The following ACACB variants were observed in gnomAD, a reference collection of about 807,000 sequenced individuals.
ACACB encodes acetyl-CoA carboxylase 2.
A neutral mutation model predicts 278.8 loss-of-function variants in ACACB; 209 were observed. The observed-to-expected ratio is 0.75, with a 90% confidence interval of 0.67 to 0.84. The LOEUF is 0.84. Ranked by LOEUF, ACACB falls within the 40% of genes least tolerant of loss-of-function variation. ACACB has a pLI of 0.00. For missense variants in ACACB, 2,850 were observed against 3,269.0 expected (o/e 0.87, Z 3.13); for synonymous variants, 1,174 against 1,285.6 (o/e 0.91, Z 1.86).
rs780689830 is a variant in ACACB, at chr12:109,197,078, G to A, written c.2552G>A (p.Arg851Gln). ...NGCHIEIDAH[R>Q]LNDGGLLLSY... ...TGCCACATCGAGATTGATGCCCACC[G>A]GCTGAATGATGGGGGGCTCCTGCTC... The change falls in exon 17 of 53, where the codon CGG (arginine) becomes CAG (glutamine). Residue 851 changes from arginine to glutamine, a missense_variant. Coordinates refer to ENST00000338432, the MANE Select transcript of ACACB (RefSeq NM_001093.4). 9 of 1,595,630 alleles carry A rather than the reference G, an allele frequency of 5.6e-6. No homozygotes were observed. Among genetic ancestry groups the A allele is most frequent in the Middle Eastern group, 1.7e-4 (1 of 6,008 alleles).
intron 24 of ACACB, among the ~76,000 whole-genome samples, chr12:109,220,386 G>A (rs73191161): frequency 0.046 from 7,060 of 152,254 alleles, 247 homozygotes; most frequent in Middle Eastern, 0.14. Flanking sequence ...GAATTTTTTT[G>A]AGGCTTTTAA....
chr12:109,253,538 G>C (rs962045295), intron 43 of ACACB, among the ~76,000 whole-genome samples: 3 of 152,118 alleles, frequency 2.0e-5, no homozygotes. Flanking sequence ...AAGTTTTTCT[G>C]AGCCTGTTTC....
At chr12:109,211,342 C>CTTTTT (rs35008047) in intron 21 of ACACB, among the ~76,000 whole-genome samples, 4 of 109,982 alleles carry the variant, frequency 3.6e-5, no homozygotes, top group Non-Finnish European at 5.5e-5. Flanking sequence ...TGTGATTCCT[C>CTTTTT]TTTTTTTTTT....
Position 109,191,882 on chromosome 12 carries a change from C to T in ACACB, c.2331C>T (p.Cys777=), listed in dbSNP as rs750939351. 20 of 1,614,014 alleles carry T rather than the reference C, an allele frequency of 1.2e-5. No homozygotes were observed. Among genetic ancestry groups the T allele is most frequent in the South Asian group, 8.8e-5 (8 of 91,084 alleles). Residue 777 remains cysteine (C), a synonymous_variant, in exon 15 of 53, where the codon TGC becomes TGT. Transcript: ENST00000338432. ...CGGATATCATGCTTGGGGTGGTATG[C>T]GGGGCCTTGAACGTGGCCGATGCGA... The part of the protein sequence containing the change: ...EKPDIMLGVV[C]GALNVADAMF...
Position 109,188,160 on chromosome 12 carries a change from T to G in ACACB, c.2142T>G (p.Ile714Met). 6.3e-7 allele frequency: 1 copy of G among 1,595,768 alleles called. No homozygotes were observed. Among genetic ancestry groups the G allele is most frequent in the Middle Eastern group, 1.7e-4 (1 of 6,010 alleles). The change falls in exon 13 of 53, where the codon ATT becomes ATG. Residue 714 changes from isoleucine to methionine, a missense_variant and splice_region_variant. Physicochemically the swap from Ile to Met is conservative, Grantham distance 10. Coordinates refer to ENST00000338432, the MANE Select transcript of ACACB (RefSeq NM_001093.4). ...FSWGENREEA[I>M]SNMVVALKEL... is the part of the protein sequence containing the mutation. ...GGGGAGAGAACCGGGAAGAGGCCAT[T>G]TCGTCAGTATCTCCTTCCTTCCTTC... is the stretch of plus-strand genomic sequence containing the variant.
intron 45 of ACACB, among the ~76,000 whole-genome samples, chr12:109,256,892 T>A (rs972079295): frequency 1.3e-5 from 2 of 152,236 alleles, no homozygotes; most frequent in Non-Finnish European, 2.9e-5. Flanking sequence ...GATGATTAGA[T>A]GCAATAACAT....
chr12:109,226,733 A>T lies in ACACB; in HGVS notation c.3883-638A>T, dbSNP rs565734147. On this transcript the variant is annotated intron_variant, in intron 27 of 52. Transcript: ENST00000338432. The stretch of plus-strand genomic sequence containing the variant: ...AAAAAAAAAAAAGAAGAATGCAGCC[A>T]CACCCATTCATTTACATGTTGTCCA... Among the ~76,000 whole-genome samples, 6 of 149,352 alleles carry T rather than the reference A, an allele frequency of 4.0e-5. 1 individual carries two copies. The South Asian group carries it at 1.3e-3, about 32-fold the overall frequency.
At chr12:109,194,981 T>G (rs929798651) in intron 16 of ACACB, among the ~76,000 whole-genome samples, 41 of 152,160 alleles carry the variant, frequency 2.7e-4, no homozygotes, top group Non-Finnish European at 4.7e-4. Flanking sequence ...CTGGAGTCCC[T>G]GGGGCTTATT....
chr12:109,151,529 G>A (rs776910474), intron 2 of ACACB, among the ~76,000 whole-genome samples: 4 of 152,092 alleles, frequency 2.6e-5, no homozygotes, highest in South Asian at 2.1e-4. Context: ...AAGGCAAATT[G>A]TATGTGGATA....
chr12:109,214,955 G>T (rs891225750), intron 22 of ACACB, among the ~76,000 whole-genome samples: 1 of 152,110 alleles, frequency 6.6e-6, no homozygotes, highest in Non-Finnish European at 1.5e-5. Flanking sequence ...AATTAGCCAG[G>T]CTTGGTGGTG....
At chr12:109,164,293 C>T (rs1335937940) in intron 2 of ACACB, among the ~76,000 whole-genome samples, 4 of 152,106 alleles carry the variant, frequency 2.6e-5, no homozygotes, top group African/African-American at 9.7e-5. Context: ...AGTCCAGTGG[C>T]GCGATCTCGG....
chr12:109,201,769 G>A (rs781119498), intron 19 of ACACB, 68 bp downstream of exon 19: 44 of 1,572,246 alleles, frequency 2.8e-5, no homozygotes, highest in Non-Finnish European at 3.5e-5. Flanking sequence ...CTGGTTCAGT[G>A]AGACAGGTGG....
chr12:109,253,659 A>G (rs142066009), intron 43 of ACACB, among the ~76,000 whole-genome samples: 1 of 152,206 alleles, frequency 6.6e-6, no homozygotes, highest in African/African-American at 2.4e-5. Context: ...CCAAAGTAAG[A>G]AGGGGACAAT....
At chr12:109,135,854 G>C (rs1417848917) in intron 1 of ACACB, among the ~76,000 whole-genome samples, 1 of 144,038 alleles carries the variant, frequency 6.9e-6, no homozygotes, top group African/African-American at 2.6e-5. Context: ...CTGTCGCCCA[G>C]GCTGGAGTGC....
chr12:109,192,079 C>T, intron 15 of ACACB, 129 bp downstream of exon 15: 2 of 971,812 alleles, frequency 2.1e-6, no homozygotes, highest in South Asian at 1.5e-5. Context: ...TCCGGTCTTG[C>T]CTCTGGGAAA....
intron 6 of ACACB, among the ~76,000 whole-genome samples, chr12:109,173,523 A>G (rs1468546047): frequency 2.6e-5 from 4 of 152,220 alleles, no homozygotes; most frequent in Admixed American, 6.5e-5. Context: ...CCTGTCTGAC[A>G]GTTACCCAGG....
chr12:109,225,230 C>T (rs1407434213), intron 27 of ACACB, among the ~76,000 whole-genome samples: 4 of 152,162 alleles, frequency 2.6e-5, no homozygotes, highest in Admixed American at 6.5e-5. Flanking sequence ...TACGCTCAAG[C>T]GATCCTCCTG....
Position 109,260,640 on chromosome 12 carries a change from T to C in ACACB, c.6657T>C (p.Tyr2219=), listed in dbSNP as rs2047354761. 2 of 1,588,262 alleles carry C rather than the reference T, an allele frequency of 1.3e-6. No individual in the cohort carries two copies. Among genetic ancestry groups the C allele is most frequent in the Non-Finnish European group, 1.7e-6 (2 of 1,167,954 alleles). Residue 2219 remains tyrosine (Y), a synonymous_variant, in exon 48 of 53, where the codon TAT becomes TAC. Transcript: ENST00000338432. Reference sequence around the variant, plus strand: ...TCAACCCGCTGTGCATAGAAATGTATGCAGACAAAGAGAGCAGGTGGGTGT... The same window carrying C: ...TCAACCCGCTGTGCATAGAAATGTACGCAGACAAAGAGAGCAGGTGGGTGT... The part of the protein sequence containing the change: ...ATINPLCIEM[Y]ADKESRGGVL...
chr12:109,231,437 A>G (rs2046467853), intron 28 of ACACB, among the ~76,000 whole-genome samples: 1 of 152,208 alleles, frequency 6.6e-6, no homozygotes, highest in South Asian at 2.1e-4. Context: ...TGCATGGACC[A>G]AAGTCATTCT....
Sources: gnomAD v4.1 joint callset for allele counts (sites outside exome capture counted in the v4.1 genomes callset) on GRCh38, gnomAD v4.1.1 for gene constraint, MANE v1.5 for transcripts, NCBI Gene and HGNC (gene_info 2026-07-23, HGNC 2026-07-21) for gene names.